PCDHGA2: variants seen among roughly 807,000 people sequenced by gnomAD.
The protein encoded by PCDHGA2 is protocadherin gamma-A2.
A neutral mutation model predicts 59.2 loss-of-function variants in PCDHGA2; 40 were observed. That is an observed-to-expected ratio of 0.68 (90% CI 0.52 to 0.88). The LOEUF is 0.88. Among genes scored for constraint, PCDHGA2 ranks in the 40% least tolerant of loss-of-function variants. The pLI is 0.00. For missense variants in PCDHGA2, 1,226 were observed against 1,204.0 expected (o/e 1.02, Z -0.27); for synonymous variants, 560 against 526.0 (o/e 1.06, Z -0.89).
intron 1 of PCDHGA2, among the ~76,000 whole-genome samples, chr5:141,381,826 C>CTTTTTTTTTTTTTTTTTTTTT (rs770630741): frequency 2.7e-5 from 2 of 74,284 alleles, no homozygotes; most frequent in Admixed American, 1.9e-4. Flanking sequence ...CTTTCTTCTT[C>CTTTTTTTTTTTTTTTTTTTTT]TTTTTTTTTT....
At chr5:141,350,766 T>C in intron 1 of PCDHGA2, 1 of 1,613,904 alleles carries the variant, frequency 6.2e-7, no homozygotes, top group Non-Finnish European at 8.5e-7. Context: ...TTATACACCA[T>C]CAACCCCAAT....
intron 1 of PCDHGA2, among the ~76,000 whole-genome samples, chr5:141,481,749 C>T (rs958851030): frequency 6.6e-6 from 1 of 151,976 alleles, no homozygotes; most frequent in Non-Finnish European, 1.5e-5. Context: ...GTCAGGAGTC[C>T]AAGACCAGCC....
chr5:141,399,465 G>T, intron 1 of PCDHGA2: 1 of 1,614,014 alleles, frequency 6.2e-7, no homozygotes, highest in Non-Finnish European at 8.5e-7. Context: ...ATAACGCTCC[G>T]GTTTTCCACC....
intron 1 of PCDHGA2, chr5:141,365,265 C>T: frequency 1.2e-6 from 2 of 1,613,964 alleles, no homozygotes; most frequent in African/African-American, 1.3e-5. Context: ...TATGAAGAAT[C>T]CAGATTCTAC....
intron 3 of PCDHGA2, among the ~76,000 whole-genome samples, chr5:141,506,444 C>CA (rs1219684339): frequency 0.017 from 1,570 of 94,842 alleles, 20 homozygotes; most frequent in African/African-American, 0.048. Flanking sequence ...CGCTCTGTCT[C>CA]AAAAAAAAAA....
chr5:141,422,338 A>C, intron 1 of PCDHGA2: 1 of 1,550,090 alleles, frequency 6.5e-7, no homozygotes, highest in Non-Finnish European at 8.7e-7. Flanking sequence ...TGCTCTTCTA[A>C]ATGTGCAAGA....
At chr5:141,410,105 A>G in intron 1 of PCDHGA2, 1 of 1,612,376 alleles carries the variant, frequency 6.2e-7, no homozygotes, top group South Asian at 1.1e-5. Context: ...CTTAGGCGAC[A>G]GGGACGCAGC....
Position 141,340,554 on chromosome 5 carries a change from T to C in PCDHGA2, c.1583T>C (p.Leu528Ser), listed in dbSNP as rs1756957531. ...RSFDYEQLRDLQVWVIARDSG... is the reference protein window; with the variant it reads ...RSFDYEQLRDSQVWVIARDSG... Reference sequence around the variant, plus strand: ...TTTGATTATGAGCAGTTGCGAGACTTGCAAGTGTGGGTGATAGCGCGGGAC... The same window carrying C: ...TTTGATTATGAGCAGTTGCGAGACTCGCAAGTGTGGGTGATAGCGCGGGAC... The change falls in exon 1 of 4, where the codon TTG becomes TCG. Residue 528 changes from leucine (L) to serine (S), a missense_variant. Transcript: ENST00000394576. The C allele has an allele frequency of 6.2e-7, 1 of 1,614,234 alleles. No individual in the cohort carries two copies. Among genetic ancestry groups the C allele is most frequent in the Non-Finnish European group, 8.5e-7 (1 of 1,180,036 alleles).
rs1326004540 is a variant in PCDHGA2 at position 141,477,117 on chromosome 5, C to T, written c.2425-17690C>T. Reference sequence around the variant, plus strand: ...GACAAGGGCGCCAATCCCGAAGGAGCACATTGCAAAGTGTTGGTGGAGGTT... The same window carrying T: ...GACAAGGGCGCCAATCCCGAAGGAGTACATTGCAAAGTGTTGGTGGAGGTT... On this transcript the variant is annotated intron_variant, in intron 1 of 3. Coordinates refer to ENST00000394576, the MANE Select transcript of PCDHGA2 (RefSeq NM_018915.4). The surrounding 1 kb of genome is among the most constrained non-coding windows in gnomAD (Gnocchi z 4.9). 1.2e-6 allele frequency: 2 copies of T among 1,614,246 alleles called. No homozygotes were observed. Among genetic ancestry groups the T allele is most frequent in the East Asian group, 4.5e-5 (2 of 44,886 alleles).
rs374478954 is a variant in PCDHGA2 at position 141,370,771 on chromosome 5, T to C, written c.2424+29376T>C. The C allele has an allele frequency of 2.0e-5, 33 of 1,614,000 alleles. No homozygotes were observed. The African/African-American group carries it at 3.9e-4, about 19-fold the overall frequency. On this transcript the variant is annotated intron_variant, in intron 1 of 3. Coordinates refer to ENST00000394576, the MANE Select transcript of PCDHGA2 (RefSeq NM_018915.4). Reference sequence around the variant, plus strand: ...CATGTAACTGTGCTGATCCAGGATATTAACGACAACCCACCGACCTTTAGC... The same window carrying C: ...CATGTAACTGTGCTGATCCAGGATACTAACGACAACCCACCGACCTTTAGC...
At chr5:141,386,978 T>C (rs1267866332) in intron 1 of PCDHGA2, among the ~76,000 whole-genome samples, 1 of 152,172 alleles carries the variant, frequency 6.6e-6, no homozygotes, top group Non-Finnish European at 1.5e-5. Flanking sequence ...GACTTTGTGT[T>C]TTGAGGCTAT....
intron 1 of PCDHGA2, among the ~76,000 whole-genome samples, chr5:141,446,621 C>G (rs1284919173): frequency 6.6e-6 from 1 of 152,094 alleles, no homozygotes; most frequent in African/African-American, 2.4e-5. Context: ...GGACTACAGG[C>G]GTGCACCACC....
chr5:141,510,239 C>T (rs2099880022), intron 3 of PCDHGA2, among the ~76,000 whole-genome samples: 1 of 150,434 alleles, frequency 6.6e-6, no homozygotes, highest in Non-Finnish European at 1.5e-5. Flanking sequence ...CGCCACTGCA[C>T]TCCAGGCTGG....
At chr5:141,388,622 A>G (rs754411917) in intron 1 of PCDHGA2, 3 of 1,613,952 alleles carry the variant, frequency 1.9e-6, no homozygotes, top group South Asian at 1.1e-5. Flanking sequence ...GTCAAGACGT[A>G]TACAGGGTGA....
intron 1 of PCDHGA2, among the ~76,000 whole-genome samples, chr5:141,452,476 C>T (rs968627914): frequency 6.6e-6 from 1 of 152,216 alleles, no homozygotes; most frequent in Admixed American, 6.5e-5. Context: ...AGGAAAAACA[C>T]ACATAAACAC....
At chr5:141,346,174 T>A (rs372047139) in intron 1 of PCDHGA2, 344 of 1,613,974 alleles carry the variant, frequency 2.1e-4, no homozygotes, top group South Asian at 1.3e-3. Context: ...CTGCTGGCGC[T>A]CAGGCTGCGG....
At chr5:141,503,241 A>G (rs1399557839) in intron 2 of PCDHGA2, among the ~76,000 whole-genome samples, 1 of 152,074 alleles carries the variant, frequency 6.6e-6, no homozygotes, top group Non-Finnish European at 1.5e-5. Context: ...GACAGTTTCT[A>G]TCATACTCAC....
In PCDHGA2 at chr5:141,415,152, C is replaced by G. The variant is rs758450562; in HGVS notation, c.2424+73757C>G. ...AGGACCACGGCCAGCCCCCTCTCTCCGCCACTGTCACGCTCACCGTGGCCG... is the reference window on the plus strand; with the variant it reads ...AGGACCACGGCCAGCCCCCTCTCTCGGCCACTGTCACGCTCACCGTGGCCG... On this transcript the variant is annotated intron_variant, in intron 1 of 3. Transcript: ENST00000394576. The G allele has an allele frequency of 1.9e-6, 3 of 1,613,812 alleles. No individual in the cohort carries two copies. In the Admixed American group the frequency reaches 5.0e-5, roughly 27 times the overall value.
At chr5:141,404,123 T>A (rs1477938356) in intron 1 of PCDHGA2, 4 of 1,613,394 alleles carry the variant, frequency 2.5e-6, no homozygotes, top group Admixed American at 1.7e-5. Context: ...GGAGAATCTA[T>A]CTTTTACATT....
Sources: allele counts gnomAD v4.1 joint callset (sites outside exome capture counted in the v4.1 genomes callset), GRCh38; gene constraint gnomAD v4.1.1; non-coding constraint Gnocchi (gnomAD v3.1); transcripts MANE v1.5; gene names NCBI Gene and HGNC (gene_info 2026-07-23, HGNC 2026-07-21).